Variants in MKRN2 observed in about 807,000 individuals in gnomAD.
MKRN2 encodes E3 ubiquitin-protein ligase makorin-2.
MKRN2 carries 32 observed loss-of-function variants against 45.4 expected under a neutral mutation model. The observed-to-expected ratio is 0.70, with a 90% CI of 0.53 to 0.95. MKRN2 has a LOEUF of 0.95. MKRN2 is among the 40% of genes least tolerant of loss of function. The pLI is 0.00. For synonymous variants in MKRN2, 206 were observed against 192.4 expected (o/e 1.07, Z -0.59); for missense variants, 526 against 536.7 (o/e 0.98, Z 0.20).
chr3:12,571,166 G>C (rs928716386), intron 3 of MKRN2, among the ~76,000 whole-genome samples: 2 of 151,266 alleles, frequency 1.3e-5, no homozygotes, highest in Non-Finnish European at 2.9e-5. Flanking sequence ...TCGCTCTGTC[G>C]CCTAGGCTGC....
chr3:12,572,691 C>T (rs969466556), intron 4 of MKRN2, among the ~76,000 whole-genome samples: 1 of 151,884 alleles, frequency 6.6e-6, no homozygotes, highest in Non-Finnish European at 1.5e-5. Context: ...TCAGGTGATC[C>T]TCCTGCCTCA....
intron 1 of MKRN2, among the ~76,000 whole-genome samples, chr3:12,567,550 G>A (rs374547979): frequency 6.5e-4 from 93 of 144,016 alleles, no homozygotes; most frequent in African/African-American, 2.2e-3. Flanking sequence ...GTGCAATGGC[G>A]CAATCTCGGC....
At chr3:12,568,029 G>T (rs1160061944) in intron 1 of MKRN2, among the ~76,000 whole-genome samples, 1 of 152,190 alleles carries the variant, frequency 6.6e-6, no homozygotes, top group East Asian at 1.9e-4. Context: ...AAAACTACAA[G>T]TACCCATACA....
At chr3:12,561,632 G>A (rs1316405786) in intron 1 of MKRN2, among the ~76,000 whole-genome samples, 1 of 152,116 alleles carries the variant, frequency 6.6e-6, no homozygotes, top group African/African-American at 2.4e-5. Context: ...CCGAGAAAAG[G>A]AAAGAAACTA....
intron 6 of MKRN2, 199 bp downstream of exon 6, chr3:12,576,940 T>TTG (rs2058143197): frequency 4.0e-6 from 1 of 251,534 alleles, no homozygotes; most frequent in African/African-American, 3.1e-5. Context: ...GGTGTTTTTT[T>TTG]TTTTTTTTTT....
intron 7 of MKRN2, 40 bp downstream of exon 7, chr3:12,581,992 G>T (rs1294562854): frequency 1.2e-6 from 2 of 1,610,036 alleles, no homozygotes; most frequent in East Asian, 4.5e-5. Flanking sequence ...ACACTTAGCA[G>T]CTGTGGGCAT....
chr3:12,570,268 C>G lies in MKRN2; in HGVS notation c.337+16C>G, dbSNP rs1350255637. ...AGAGACCGAAGTGAGTAAGCGGAAG[C>G]CTTTTGTTGCGTCTTTTTGCATAGC... On this transcript the variant is annotated intron_variant, in intron 3 of 7. Transcript: ENST00000170447. 1 of 1,606,648 alleles carries G rather than the reference C, an allele frequency of 6.2e-7. No homozygotes were observed. Among genetic ancestry groups the G allele is most frequent in the African/African-American group, 1.3e-5 (1 of 74,788 alleles).
At chr3:12,557,789 C>T (rs2057993208) in intron 1 of MKRN2, among the ~76,000 whole-genome samples, 1 of 152,188 alleles carries the variant, frequency 6.6e-6, no homozygotes, top group Non-Finnish European at 1.5e-5. Context: ...GTTATTATTA[C>T]CATTTTACAG....
intron 7 of MKRN2, 22 bp from the exon 8 acceptor site, chr3:12,582,094 T>C: frequency 2.5e-6 from 4 of 1,614,170 alleles, no homozygotes; most frequent in Non-Finnish European, 2.5e-6. Flanking sequence ...TAACCAGGCA[T>C]GTCCACTGGC....
intron 1 of MKRN2, among the ~76,000 whole-genome samples, chr3:12,557,474 G>A (rs2057988084): frequency 6.6e-6 from 1 of 152,248 alleles, no homozygotes; most frequent in Admixed American, 6.5e-5. Flanking sequence ...AGGATGCCGG[G>A]GCGCTGTCGG....
chr3:12,576,839 CCTCTTCCT>C lies in MKRN2; in HGVS notation c.968+107_968+114del, dbSNP rs1417402110. ...CTTCCCAGGAGTGTGGTCTTAGGGG[CCTCTTCCT>C]CTCTTCCTTCTCTCAGGCACCATGC... is the stretch of plus-strand genomic sequence containing the variant. On this transcript the variant is annotated intron_variant, in intron 6 of 7. Transcript: ENST00000170447. 41 of 745,486 alleles carry C rather than the reference CCTCTTCCT, an allele frequency of 5.5e-5. No homozygotes were observed. In the Admixed American group the frequency reaches 1.0e-3, roughly 18 times the overall value. 46.2% of individuals were successfully genotyped at this position (745,486 alleles called of 1,614,324 possible).
intron 6 of MKRN2, among the ~76,000 whole-genome samples, chr3:12,579,549 C>T (rs915127366): frequency 1.3e-5 from 2 of 152,208 alleles, no homozygotes; most frequent in African/African-American, 4.8e-5. Flanking sequence ...GAGGGACCAT[C>T]TATCACAACA....
chr3:12,578,462 C>T (rs552323548), intron 6 of MKRN2, among the ~76,000 whole-genome samples: 1 of 151,840 alleles, frequency 6.6e-6, no homozygotes, highest in Non-Finnish European at 1.5e-5. Context: ...GGACTACAGG[C>T]GCATGCCGCC....
intron 1 of MKRN2, among the ~76,000 whole-genome samples, chr3:12,567,216 T>TC (rs2058073451): frequency 6.6e-6 from 1 of 151,916 alleles, no homozygotes; most frequent in Non-Finnish European, 1.5e-5. Context: ...CTTGTGTTTT[T>TC]TTTTTTTAAG....
intron 4 of MKRN2, 142 bp downstream of exon 4, chr3:12,572,515 C>T (rs1246917496): frequency 1.4e-6 from 1 of 694,586 alleles, no homozygotes. Flanking sequence ...AGGCATCCCC[C>T]TGCCAGTAAT....
intron 1 of MKRN2, among the ~76,000 whole-genome samples, chr3:12,563,844 A>G (rs1219546045): frequency 8.8e-5 from 2 of 22,784 alleles, no homozygotes; most frequent in African/African-American, 3.7e-4. Flanking sequence ...TTGTTTATGC[A>G]TTCGTCCATT....
chr3:12,566,015 G>T (rs1031276374), intron 1 of MKRN2, among the ~76,000 whole-genome samples: 1 of 151,852 alleles, frequency 6.6e-6, no homozygotes, highest in African/African-American at 2.4e-5. Flanking sequence ...CATCATGCAC[G>T]GCTGATTTTT....
At chr3:12,563,704 G>A in intron 1 of MKRN2, among the ~76,000 whole-genome samples, 1 of 72,114 alleles carries the variant, frequency 1.4e-5, no homozygotes, top group Non-Finnish European at 2.6e-5. Context: ...TGGCCAGGCT[G>A]GTCTTGAACT....
Position 12,582,347 on chromosome 3 carries a change from CGT to C in MKRN2, c.*98_*99del. 6.6e-7 allele frequency: 1 copy of C among 1,506,234 alleles called. No homozygotes were observed. Among genetic ancestry groups the C allele is most frequent in the Non-Finnish European group, 9.1e-7 (1 of 1,099,252 alleles). The allele number at this position is 1,506,234 out of a possible 1,614,324, so 93.3% of individuals were successfully genotyped here. Reference sequence around the variant, plus strand: ...CTTCCCTGTACTGCAGCCAAGGTGACGTGTGACTTGGATTTGAGTGGAGTTGG... The same window carrying C: ...CTTCCCTGTACTGCAGCCAAGGTGACGTGACTTGGATTTGAGTGGAGTTGG... On this transcript the variant is annotated 3_prime_UTR_variant, in exon 8 of 8. Transcript: ENST00000170447.
Sources: allele counts gnomAD v4.1 joint callset (sites outside exome capture counted in the v4.1 genomes callset), GRCh38; gene constraint gnomAD v4.1.1; transcripts MANE v1.5; gene names NCBI Gene and HGNC (gene_info 2026-07-23, HGNC 2026-07-21).